LINGO2: variants seen among roughly 807,000 people sequenced by gnomAD.
The protein encoded by LINGO2 is leucine-rich repeat and immunoglobulin-like domain-containing nogo receptor-interacting protein 2.
In LINGO2, 14 loss-of-function variants were observed where a neutral mutation model predicts 30.6. The ratio of observed to expected loss-of-function variants is 0.46; its 90% CI spans 0.30 to 0.72. The LOEUF (loss-of-function observed/expected upper bound fraction) is 0.72. Among genes scored for constraint, LINGO2 ranks in the 30% least tolerant of loss-of-function variants. The pLI is 0.07. For synonymous variants in LINGO2, 317 were observed against 288.5 expected, an observed-to-expected ratio of 1.10 and a Z score of -1.00; for missense variants, 729 against 751.7, an observed-to-expected ratio of 0.97 and a Z score of 0.35.
the LINGO2 span, among the ~76,000 whole-genome samples, chr9:28,882,743 G>A: frequency 6.6e-6 from 1 of 152,104 alleles, no homozygotes; most frequent in African/African-American, 2.4e-5. Flanking sequence ...CCATAAAGTA[G>A]TAGTTATTAT....
At chr9:28,099,092 G>A (rs1826333238) in intron 4 of LINGO2, among the ~76,000 whole-genome samples, 2 of 152,036 alleles carry the variant, frequency 1.3e-5, no homozygotes, top group Admixed American at 1.3e-4. Flanking sequence ...TACTAGATAG[G>A]ACAGTAGCAA....
At chr9:29,043,987 A>T in the LINGO2 span, among the ~76,000 whole-genome samples, 5 of 152,054 alleles carry the variant, frequency 3.3e-5, no homozygotes, top group South Asian at 4.1e-4. Context: ...TTTGACTGCC[A>T]ATGAAAGAAC....
At chr9:29,064,058 T>C in the LINGO2 span, among the ~76,000 whole-genome samples, 1 of 152,144 alleles carries the variant, frequency 6.6e-6, no homozygotes, top group Non-Finnish European at 1.5e-5. Flanking sequence ...CAATTTTTAA[T>C]TGTCGCAGTG....
At chr9:29,211,399 G>A in the LINGO2 span, among the ~76,000 whole-genome samples, 2 of 152,102 alleles carry the variant, frequency 1.3e-5, no homozygotes, top group African/African-American at 4.8e-5. Context: ...TCAGCAAACT[G>A]GATTATGTCA....
At chr9:28,847,852 GTA>G in the LINGO2 span, among the ~76,000 whole-genome samples, 8 of 112,170 alleles carry the variant, frequency 7.1e-5, 2 homozygotes, top group African/African-American at 2.5e-4. Flanking sequence ...ACACATATAT[GTA>G]TATATACTAT....
rs1225916831 is a variant in LINGO2 at position 28,573,891 on chromosome 9, AAC to A, written c.-365+96307_-365+96308del. On this transcript the variant is annotated intron_variant, in intron 1 of 5. Coordinates refer to ENST00000379992, the Ensembl canonical transcript of LINGO2. Reference sequence around the variant, plus strand: ...CATAAACAACAACTTTTCATTAAAAAACAAGAAATGCACAGTATAGAAGAAAA... The same window carrying A: ...CATAAACAACAACTTTTCATTAAAAAAAGAAATGCACAGTATAGAAGAAAA... Among the ~76,000 whole-genome samples the A allele has an allele frequency of 5.9e-5, 9 of 152,306 alleles. No homozygotes were observed. The East Asian group carries it at 1.7e-3, about 29-fold the overall frequency.
chr9:29,048,551 T>G, the LINGO2 span, among the ~76,000 whole-genome samples: 1 of 151,984 alleles, frequency 6.6e-6, no homozygotes, highest in South Asian at 2.1e-4. Context: ...GGAGGAATCA[T>G]AATACCTGGC....
intron 2 of LINGO2, among the ~76,000 whole-genome samples, chr9:28,409,660 C>T (rs918502821): frequency 1.7e-4 from 25 of 148,038 alleles, no homozygotes; most frequent in African/African-American, 5.0e-4. Flanking sequence ...TGTGATGTTT[C>T]GAAGTCATTG....
chr9:28,881,598 CT>C, the LINGO2 span, among the ~76,000 whole-genome samples: 3,732 of 143,038 alleles, frequency 0.026, 53 homozygotes, highest in Middle Eastern at 0.081. Context: ...TACTGACAAC[CT>C]TTTTTTTTTT....
chr9:28,653,202 C>T (rs1279750618), intron 1 of LINGO2, among the ~76,000 whole-genome samples: 3 of 152,094 alleles, frequency 2.0e-5, no homozygotes, highest in Admixed American at 6.6e-5. Flanking sequence ...CTGTATTGCC[C>T]ATGTGGACAC....
At chr9:29,056,739 T>C in the LINGO2 span, among the ~76,000 whole-genome samples, 1 of 152,204 alleles carries the variant, frequency 6.6e-6, no homozygotes, top group African/African-American at 2.4e-5. Flanking sequence ...TTTAAGTCTT[T>C]GATCCATCTT....
intron 4 of LINGO2, among the ~76,000 whole-genome samples, chr9:28,136,278 G>A (rs1051325359): frequency 3.9e-5 from 6 of 152,286 alleles, no homozygotes; most frequent in East Asian, 3.9e-4. Context: ...CCCAGAGGGC[G>A]ATATTGCATG....
chr9:28,696,924 T>C, the LINGO2 span, among the ~76,000 whole-genome samples: 2 of 151,920 alleles, frequency 1.3e-5, no homozygotes, highest in African/African-American at 2.4e-5. Flanking sequence ...AATTTTTTTT[T>C]CCTTGGCATA....
the LINGO2 span, among the ~76,000 whole-genome samples, chr9:28,944,448 C>T: frequency 6.6e-6 from 1 of 152,182 alleles, no homozygotes; most frequent in African/African-American, 2.4e-5. Flanking sequence ...TCTTGTCCCC[C>T]AGGCTGGAGT....
intron 1 of LINGO2, among the ~76,000 whole-genome samples, chr9:28,639,727 G>T (rs1323621576): frequency 1.3e-5 from 2 of 152,044 alleles, no homozygotes; most frequent in African/African-American, 4.8e-5. Context: ...TGCATGTGAG[G>T]TGGGTCTCCT....
At chr9:28,231,882 A>T (rs1268897897) in intron 4 of LINGO2, among the ~76,000 whole-genome samples, 1 of 151,998 alleles carries the variant, frequency 6.6e-6, no homozygotes, top group Non-Finnish European at 1.5e-5. Context: ...TAAAAAAAGG[A>T]TACTTCCTAT....
intron 5 of LINGO2, among the ~76,000 whole-genome samples, chr9:28,011,320 GA>G (rs1822541615): frequency 6.6e-6 from 1 of 152,200 alleles, no homozygotes; most frequent in African/African-American, 2.4e-5. Flanking sequence ...TTTAGGAGGT[GA>G]GACAGGCCTG....
chr9:29,043,038 A>G, the LINGO2 span, among the ~76,000 whole-genome samples: 1 of 151,908 alleles, frequency 6.6e-6, no homozygotes, highest in African/African-American at 2.4e-5. Flanking sequence ...ATCTCTCTGT[A>G]TTTATTTTAG....
At chr9:28,607,183 T>A (rs1040977601) in intron 1 of LINGO2, among the ~76,000 whole-genome samples, 1 of 151,944 alleles carries the variant, frequency 6.6e-6, no homozygotes, top group Admixed American at 6.6e-5. Context: ...AACCTTGATT[T>A]AAAAAGCAAG....
Sources: allele counts gnomAD v4.1 joint callset (sites outside exome capture counted in the v4.1 genomes callset), GRCh38; gene constraint gnomAD v4.1.1; transcripts MANE v1.5; gene names NCBI Gene and HGNC (gene_info 2026-07-23, HGNC 2026-07-21).